DCAF10: variants seen among roughly 807,000 people sequenced by gnomAD.
The protein encoded by DCAF10 is DDB1- and CUL4-associated factor 10.
Under a neutral mutation model 51.9 loss-of-function variants are expected in DCAF10, and 19 were observed. The ratio of observed to expected loss-of-function variants is 0.37; its 90% CI spans 0.26 to 0.54. The LOEUF is 0.54. DCAF10 is among the 20% of genes least tolerant of loss of function. The pLI is 0.87. For missense variants in DCAF10, 510 were observed against 730.6 expected (o/e 0.70, Z 3.48); for synonymous variants, 291 against 297.1 (o/e 0.98, Z 0.21).
At chr9:37,833,568 C>T (rs905460084) in intron 2 of DCAF10, among the ~76,000 whole-genome samples, 2 of 152,016 alleles carry the variant, frequency 1.3e-5, no homozygotes, top group Non-Finnish European at 1.5e-5. Flanking sequence ...TTTCTTTTAT[C>T]CTTTACCATA....
intron 2 of DCAF10, among the ~76,000 whole-genome samples, chr9:37,820,935 A>C (rs927632050): frequency 6.6e-6 from 1 of 152,156 alleles, no homozygotes; most frequent in Non-Finnish European, 1.5e-5. Flanking sequence ...TAATAGATGC[A>C]TGTAGTACAA....
intron 5 of DCAF10, 71 bp downstream of exon 5, chr9:37,857,422 T>A: frequency 8.7e-7 from 1 of 1,143,384 alleles, no homozygotes; most frequent in Non-Finnish European, 1.2e-6. Context: ...ATTGATTGAT[T>A]AAAACCAGTT....
chr9:37,834,742 T>C lies in DCAF10; in HGVS notation c.654-7347T>C, dbSNP rs369047584. ...TCAATTTATTTTAAAACTTTAACTT[T>C]CCAGTAGCTTTTTAGAAAATATTTT... On this transcript the variant is annotated intron_variant, in intron 2 of 6. Transcript: ENST00000377724. Among the ~76,000 whole-genome samples the C allele has an allele frequency of 8.5e-5, 13 of 152,346 alleles. No homozygotes were observed. The South Asian group carries it at 2.7e-3, about 32-fold the overall frequency.
intron 1 of DCAF10, among the ~76,000 whole-genome samples, chr9:37,814,168 T>A (rs1829455904): frequency 7.1e-6 from 1 of 139,914 alleles, no homozygotes; most frequent in Non-Finnish European, 1.5e-5. Context: ...AGATGGAGTC[T>A]CATTCTGTCA....
intron 2 of DCAF10, among the ~76,000 whole-genome samples, chr9:37,825,637 C>T (rs1413780671): frequency 6.6e-6 from 1 of 152,070 alleles, no homozygotes; most frequent in Non-Finnish European, 1.5e-5. Context: ...GGCTTAATAC[C>T]TGAGTGACAA....
intron 2 of DCAF10, among the ~76,000 whole-genome samples, chr9:37,820,971 C>T (rs1258965447): frequency 6.6e-6 from 1 of 151,908 alleles, no homozygotes; most frequent in Non-Finnish European, 1.5e-5. Flanking sequence ...AAAGGGTAAA[C>T]AGTGAAAAGT....
At chr9:37,858,020 G>A (rs910559974) in intron 5 of DCAF10, among the ~76,000 whole-genome samples, 3 of 151,860 alleles carry the variant, frequency 2.0e-5, no homozygotes, top group Non-Finnish European at 2.9e-5. Context: ...TGAGTATTAA[G>A]AGCCAGAGAT....
intron 1 of DCAF10, among the ~76,000 whole-genome samples, chr9:37,808,639 A>AAAATATATTATATAATATAAAATAT (rs1564024667): frequency 9.2e-4 from 19 of 20,746 alleles, no homozygotes; most frequent in African/African-American, 3.6e-3. Context: ...ATATAATATA[A>AAAATATATTATATAATATAAAATAT]AAATATATAA....
At chr9:37,807,565 AT>A (rs1356056620) in intron 1 of DCAF10, among the ~76,000 whole-genome samples, 1 of 151,458 alleles carries the variant, frequency 6.6e-6, no homozygotes, top group African/African-American at 2.4e-5. Context: ...CCTGGTGAGC[AT>A]TTTTATAATC....
chr9:37,834,814 G>GTTTC (rs1287701402), intron 2 of DCAF10, among the ~76,000 whole-genome samples: 1 of 133,904 alleles, frequency 7.5e-6, no homozygotes, highest in Non-Finnish European at 1.5e-5. Context: ...TTGAGACAGG[G>GTTTC]TTTCACTCAT....
At chr9:37,860,235 C>G (rs1288751589) in intron 6 of DCAF10, 42 bp downstream of exon 6, 1 of 1,610,772 alleles carries the variant, frequency 6.2e-7, no homozygotes, top group Non-Finnish European at 8.5e-7. Context: ...GCTCATTGGA[C>G]AAATTGCCAT....
chr9:37,821,502 G>A (rs1829699322), intron 2 of DCAF10, among the ~76,000 whole-genome samples: 1 of 152,064 alleles, frequency 6.6e-6, no homozygotes, highest in Non-Finnish European at 1.5e-5. Context: ...ACTGATCTTG[G>A]ACAAAGCAAA....
At position 37,861,081 on chromosome 9, in the gene DCAF10, A is replaced by G; in HGVS notation, c.1312-59A>G. On this transcript the variant is annotated intron_variant, in intron 6 of 6. Transcript: ENST00000377724. The surrounding 1 kb of genome is among the most constrained non-coding windows in gnomAD (Gnocchi z 4.9). ...CTGTTGAGCTTTTTAAAAATAAGGA[A>G]TATCTGTAGCACTATTTGGGCTCTG... 6.6e-7 allele frequency: 1 copy of G among 1,520,442 alleles called. No individual in the cohort carries two copies. Among genetic ancestry groups the G allele is most frequent in the African/African-American group, 1.4e-5 (1 of 72,136 alleles). 94.2% of individuals were successfully genotyped at this position (1,520,442 alleles called of 1,614,324 possible).
Position 37,800,863 on chromosome 9 carries a change from G to T in DCAF10, c.-4G>T. ...GCCCGGAGCGGGGGGCGGGGGCGTT[G>T]ATCATGTTTCCCTTTGGGCCCCATA... On this transcript the variant is annotated 5_prime_UTR_variant, in exon 1 of 7. Transcript: ENST00000377724. The T allele has an allele frequency of 1.3e-6, 2 of 1,490,714 alleles. No individual in the cohort carries two copies. The highest frequency in any genetic ancestry group is 8.9e-7 in the Non-Finnish European group (1 of 1,127,066). 92.3% of individuals were successfully genotyped at this position (1,490,714 alleles called of 1,614,324 possible). A position where few individuals can be genotyped will look rare whatever the true frequency, so the allele number is the denominator to read the frequency against.
rs1831097762 is a variant in DCAF10 at position 37,864,592 on chromosome 9, A to AT, written c.*3084_*3085insT. ...GAGCGAGACTCTGCCTCAAAAAAAAAAAAAAAAATAAAATAAAATAAAATT... is the reference window on the plus strand; with the variant it reads ...GAGCGAGACTCTGCCTCAAAAAAAAATAAAAAAAATAAAATAAAATAAAATT... On this transcript the variant is annotated 3_prime_UTR_variant, in exon 7 of 7. Coordinates refer to ENST00000377724, the MANE Select transcript of DCAF10 (RefSeq NM_024345.5). 6.8e-6 allele frequency: 1 copy of AT among 146,726 alleles called. No individual in the cohort carries two copies. Among genetic ancestry groups the AT allele is most frequent in the Non-Finnish European group, 1.5e-5 (1 of 66,650 alleles). 9.1% of individuals were successfully genotyped at this position (146,726 alleles called of 1,614,324 possible).
Position 37,801,133 on chromosome 9 carries a change from A to G in DCAF10, c.267A>G (p.Ser89=). ...SSTASAPGEP[S]PPSPPCRRPG... is the part of the protein sequence containing the mutation. ...CTGCCTCCGCCCCGGGAGAGCCGTC[A>G]CCTCCCTCCCCTCCGTGCCGGCGGC... The change falls in exon 1 of 7, where the codon TCA becomes TCG. Residue 89 remains serine, a synonymous_variant. Transcript: ENST00000377724. The surrounding 1 kb of genome is among the most constrained non-coding windows in gnomAD (Gnocchi z 5.5). The G allele has an allele frequency of 6.5e-7, 1 of 1,534,680 alleles. No individual in the cohort carries two copies. The highest frequency in any genetic ancestry group is 8.7e-7 in the Non-Finnish European group (1 of 1,143,594).
In DCAF10 at chr9:37,801,436, C is replaced by A; in HGVS notation, c.539+31C>A. The A allele has an allele frequency of 7.1e-7, 1 of 1,406,734 alleles. No homozygotes were observed. Among genetic ancestry groups the A allele is most frequent in the Non-Finnish European group, 9.3e-7 (1 of 1,078,942 alleles). The allele number at this position is 1,406,734 out of a possible 1,614,324, so 87.1% of individuals were successfully genotyped here. A position where few individuals can be genotyped will look rare whatever the true frequency, so the allele number is the denominator to read the frequency against. On this transcript the variant is annotated intron_variant, in intron 1 of 6. Coordinates refer to ENST00000377724, the MANE Select transcript of DCAF10 (RefSeq NM_024345.5). The surrounding 1 kb of genome is among the most constrained non-coding windows in gnomAD (Gnocchi z 5.5). ...CGCGGCCCCTCGGAGGGCGGGCGCC[C>A]GCCTCCGCCCGGCTCTGCTGCCAGC...
chr9:37,852,306 G>C (rs1289928865), intron 3 of DCAF10, among the ~76,000 whole-genome samples: 2 of 152,178 alleles, frequency 1.3e-5, no homozygotes, highest in African/African-American at 4.8e-5. Flanking sequence ...TATTCAATAA[G>C]ATGAGTTGAG....
At chr9:37,830,908 C>T (rs534147236) in intron 2 of DCAF10, among the ~76,000 whole-genome samples, 1 of 152,284 alleles carries the variant, frequency 6.6e-6, no homozygotes, top group South Asian at 2.1e-4. Flanking sequence ...GATTTTGAAG[C>T]TCGTTTAGAA....
Sources: gnomAD v4.1 joint callset for allele counts (sites outside exome capture counted in the v4.1 genomes callset) on GRCh38, gnomAD v4.1.1 for gene constraint, Gnocchi (gnomAD v3.1) non-coding constraint, MANE v1.5 for transcripts, NCBI Gene and HGNC (gene_info 2026-07-23, HGNC 2026-07-21) for gene names.